BMP8A: variants seen among roughly 807,000 people sequenced by gnomAD.
The protein encoded by BMP8A is BMP-8A.
In BMP8A, 14 loss-of-function variants were observed where a neutral mutation model predicts 36.8. That is an observed-to-expected ratio of 0.38 (90% CI 0.25 to 0.60). The LOEUF (loss-of-function observed/expected upper bound fraction) is 0.60. Among genes scored for constraint, BMP8A ranks in the 20% least tolerant of loss-of-function variants. The pLI is 0.63. For synonymous variants in BMP8A, 120 were observed against 237.7 expected (o/e 0.50, Z 4.55); for missense variants, 267 against 551.1 (o/e 0.48, Z 5.16).
At chr1:39,507,498 G>A (rs543121593) in intron 1 of BMP8A, among the ~76,000 whole-genome samples, 4 of 152,308 alleles carry the variant, frequency 2.6e-5, no homozygotes, top group Middle Eastern at 3.4e-3. Flanking sequence ...AGCATCAGAC[G>A]GAGGTGGTCC....
At chr1:39,506,709 C>A (rs77036441) in intron 1 of BMP8A, among the ~76,000 whole-genome samples, 1 of 152,082 alleles carries the variant, frequency 6.6e-6, no homozygotes, top group Non-Finnish European at 1.5e-5. Flanking sequence ...TCCCAGCCCC[C>A]CTTCTTTGTG....
In BMP8A at chr1:39,525,846, G is replaced by T; in HGVS notation, c.*48G>T. ...CAGCCACCCTTCTCATCTGGATCGG[G>T]CCCTGCAGAGGCAGAAAACCCTTAA... On this transcript the variant is annotated 3_prime_UTR_variant, in exon 7 of 7. Coordinates refer to ENST00000331593, the MANE Select transcript of BMP8A (RefSeq NM_181809.4). The T allele has an allele frequency of 6.2e-7, 1 of 1,609,638 alleles. No homozygotes were observed.
In BMP8A at chr1:39,527,621, G is replaced by C. The variant is rs1283702049; in HGVS notation, c.*1823G>C. Reference sequence around the variant, plus strand: ...GAGGGCCTCCATGTGCAAGCGCAGAGGAAGAGACCCTCTCATGTACATAAA... The same window carrying C: ...GAGGGCCTCCATGTGCAAGCGCAGACGAAGAGACCCTCTCATGTACATAAA... On this transcript the variant is annotated 3_prime_UTR_variant, in exon 7 of 7. Coordinates refer to ENST00000331593, the MANE Select transcript of BMP8A (RefSeq NM_181809.4). Among the ~76,000 whole-genome samples the C allele has an allele frequency of 6.6e-6, 1 of 152,230 alleles. No individual in the cohort carries two copies. Among genetic ancestry groups the C allele is most frequent in the Non-Finnish European group, 1.5e-5 (1 of 68,034 alleles).
intron 1 of BMP8A, among the ~76,000 whole-genome samples, chr1:39,510,802 A>G (rs1452889625): frequency 2.0e-5 from 3 of 152,096 alleles, no homozygotes; most frequent in African/African-American, 4.8e-5. Context: ...CCTTGGGTCC[A>G]ATGTCCATCT....
chr1:39,494,475 C>T (rs1259686549), intron 1 of BMP8A, among the ~76,000 whole-genome samples: 1 of 151,822 alleles, frequency 6.6e-6, no homozygotes, highest in Non-Finnish European at 1.5e-5. Flanking sequence ...CTCAGCCTCC[C>T]CAGTAGCTAG....
rs184277736 is a variant in BMP8A at position 39,517,234 on chromosome 1, C to A, written c.674-4142C>A. Among the ~76,000 whole-genome samples, 88 of 151,954 alleles carry A rather than the reference C, an allele frequency of 5.8e-4. 1 individual carries two copies. The highest frequency in any genetic ancestry group is 1.9e-3 in the African/African-American group (79 of 41,368). Reference sequence around the variant, plus strand: ...CTGGTCTTGAACACTTGAGCTCAAGCGATCCACTTGCCTCAGCCTCCCAAA... The same window carrying A: ...CTGGTCTTGAACACTTGAGCTCAAGAGATCCACTTGCCTCAGCCTCCCAAA... On this transcript the variant is annotated intron_variant, in intron 3 of 6. Coordinates refer to ENST00000331593, the MANE Select transcript of BMP8A (RefSeq NM_181809.4).
At position 39,515,072 on chromosome 1, in the gene BMP8A, T is replaced by A. The variant is rs1162351078; in HGVS notation, c.673+3168T>A. The stretch of plus-strand genomic sequence containing the variant: ...GCTTTGCCACCAGTCCCCGGCCCCG[T>A]GCCAAGTTCTACGCGGACCCGGTGG... On this transcript the variant is annotated intron_variant, in intron 3 of 6. Transcript: ENST00000331593. The A allele has an allele frequency of 1.8e-5, 28 of 1,588,194 alleles. No individual in the cohort carries two copies. In the East Asian group the frequency reaches 6.4e-4, roughly 37 times the overall value.
intron 6 of BMP8A, chr1:39,523,647 T>C: frequency 6.9e-7 from 1 of 1,451,682 alleles, no homozygotes; most frequent in Non-Finnish European, 9.1e-7. Context: ...CTTGGCTGTC[T>C]GTGTTTTCTC....
At position 39,528,341 on chromosome 1, in the gene BMP8A, C is replaced by T. The variant is rs1553472945; in HGVS notation, c.*2543C>T. On this transcript the variant is annotated 3_prime_UTR_variant, in exon 7 of 7. Transcript: ENST00000331593. ...TGATGAAGGGTCAGTGCTCAGCTAT[C>T]AAGGTCATCTTCTGGCCTGGTTGCC... Among the ~76,000 whole-genome samples the T allele has an allele frequency of 6.6e-6, 1 of 152,208 alleles. No individual in the cohort carries two copies. Among genetic ancestry groups the T allele is most frequent in the Non-Finnish European group, 1.5e-5 (1 of 68,038 alleles).
At chr1:39,502,726 T>C (rs1268932936) in intron 1 of BMP8A, among the ~76,000 whole-genome samples, 1 of 152,164 alleles carries the variant, frequency 6.6e-6, no homozygotes, top group Admixed American at 6.5e-5. Context: ...ATAAAATAAA[T>C]ACCCTTGAAT....
rs1440040340 is a variant in BMP8A, at chr1:39,528,459, A to AC, written c.*2662dup. ...CACTGGCTGCAACAAGTAGCCACTG[A>AC]CAGGGAGTCTGGGGCCATTTGGTGC... is the stretch of plus-strand genomic sequence containing the variant. On this transcript the variant is annotated 3_prime_UTR_variant, in exon 7 of 7. Coordinates refer to ENST00000331593, the MANE Select transcript of BMP8A (RefSeq NM_181809.4). Among the ~76,000 whole-genome samples, 1 of 152,206 alleles carries AC rather than the reference A, an allele frequency of 6.6e-6. No homozygotes were observed. The highest frequency in any genetic ancestry group is 1.5e-5 in the Non-Finnish European group (1 of 68,032).
intron 1 of BMP8A, among the ~76,000 whole-genome samples, chr1:39,509,744 C>T (rs1645336853): frequency 1.3e-5 from 2 of 152,212 alleles, no homozygotes. Flanking sequence ...ACTGTGGTCA[C>T]TGAGCCCAGT....
intron 1 of BMP8A, among the ~76,000 whole-genome samples, chr1:39,502,044 C>T (rs1459709300): frequency 6.6e-6 from 1 of 151,812 alleles, no homozygotes; most frequent in Non-Finnish European, 1.5e-5. Context: ...TCAAGACCAG[C>T]CTGGCCAAGA....
intron 1 of BMP8A, among the ~76,000 whole-genome samples, chr1:39,500,576 G>A (rs1469581364): frequency 6.7e-6 from 1 of 149,252 alleles, no homozygotes; most frequent in African/African-American, 2.5e-5. Context: ...TAGATACAAG[G>A]TTGTCTTATT....
intron 1 of BMP8A, among the ~76,000 whole-genome samples, chr1:39,501,447 C>A (rs1038618210): frequency 2.0e-5 from 3 of 152,214 alleles, no homozygotes; most frequent in African/African-American, 7.2e-5. Flanking sequence ...CTCCACCTCC[C>A]AGGCTCAAGC....
At chr1:39,493,009 C>T (rs1365116881) in intron 1 of BMP8A, among the ~76,000 whole-genome samples, 1 of 152,224 alleles carries the variant, frequency 6.6e-6, no homozygotes, top group Non-Finnish European at 1.5e-5. Context: ...CTTTTCCTGT[C>T]TGCAAACATC....
intron 6 of BMP8A, chr1:39,523,627 C>A: frequency 6.9e-7 from 1 of 1,445,486 alleles, no homozygotes; most frequent in Non-Finnish European, 9.1e-7. Flanking sequence ...CTTTTTCCCG[C>A]AGTTTCTCTC....
chr1:39,525,500 T>C (rs1323021506), intron 6 of BMP8A, 149 bp from the exon 7 acceptor site: 3 of 1,167,180 alleles, frequency 2.6e-6, no homozygotes, highest in Admixed American at 2.6e-5. Flanking sequence ...GCTGCTCTTA[T>C]TCCTGTTAAT....
At position 39,511,165 on chromosome 1, in the gene BMP8A, G is replaced by A; in HGVS notation, c.335-9G>A. The A allele has an allele frequency of 8.5e-7, 1 of 1,172,572 alleles. No individual in the cohort carries two copies. Among genetic ancestry groups the A allele is most frequent in the Non-Finnish European group, 1.2e-6 (1 of 845,112 alleles). The allele number at this position is 1,172,572 out of a possible 1,614,324, so 72.6% of individuals were successfully genotyped here. On this transcript the variant is annotated splice_polypyrimidine_tract_variant and intron_variant, in intron 1 of 6. Coordinates refer to ENST00000331593, the MANE Select transcript of BMP8A (RefSeq NM_181809.4). ...CTGAGTGCCAGCCCAGCGCTGCTTTGTCTTCTAGTGGAGCGAGACCGTGCC... is the reference window on the plus strand; with the variant it reads ...CTGAGTGCCAGCCCAGCGCTGCTTTATCTTCTAGTGGAGCGAGACCGTGCC...
Sources: allele counts gnomAD v4.1 joint callset (sites outside exome capture counted in the v4.1 genomes callset), GRCh38; gene constraint gnomAD v4.1.1; transcripts MANE v1.5; gene names NCBI Gene and HGNC (gene_info 2026-07-23, HGNC 2026-07-21).